The following WDR27 variants were observed in gnomAD, a reference collection of about 807,000 sequenced individuals.
WDR27 encodes the protein WD repeat-containing protein 27.
A neutral mutation model predicts 114.4 loss-of-function variants in WDR27; 100 were observed. The ratio of observed to expected loss-of-function variants is 0.87; its 90% CI spans 0.74 to 1.03. The LOEUF is 1.03. Ranked by LOEUF, WDR27 falls within the 50% of genes least tolerant of loss-of-function variation. The pLI is 0.00. For synonymous variants in WDR27, 449 were observed against 423.1 expected, an observed-to-expected ratio of 1.06 and a Z score of -0.75; for missense variants, 1,129 against 1,092.9, an observed-to-expected ratio of 1.03 and a Z score of -0.47.
intron 16 of WDR27, among the ~76,000 whole-genome samples, chr6:169,644,308 C>T (rs1819947670): frequency 6.6e-6 from 1 of 151,624 alleles, no homozygotes; most frequent in African/African-American, 2.4e-5. Flanking sequence ...ACAGGAGTCA[C>T]ACTGTAGAAA....
the WDR27 span, among the ~76,000 whole-genome samples, chr6:169,444,327 T>C: frequency 3.9e-5 from 6 of 152,302 alleles, no homozygotes; most frequent in Middle Eastern, 3.4e-3. Context: ...AAAAAGAATG[T>C]GTTTGGCTCT....
At chr6:169,545,728 A>T (rs1297760962) in intron 25 of WDR27, among the ~76,000 whole-genome samples, 2 of 152,180 alleles carry the variant, frequency 1.3e-5, no homozygotes, top group East Asian at 3.8e-4. Context: ...AGAGGATAAA[A>T]AGGTGAAAAG....
At chr6:169,483,289 TAAG>T (rs1329994362) in intron 25 of WDR27, among the ~76,000 whole-genome samples, 2 of 152,006 alleles carry the variant, frequency 1.3e-5, no homozygotes, top group African/African-American at 4.8e-5. Context: ...GCTAGACTAA[TAAG>T]AACAGAGAAG....
At chr6:169,587,674 C>A (rs1804925580) in intron 23 of WDR27, among the ~76,000 whole-genome samples, 2 of 152,180 alleles carry the variant, frequency 1.3e-5, no homozygotes, top group Admixed American at 1.3e-4. Context: ...ATAATGACTT[C>A]ACTTTTTCTT....
chr6:169,427,774 T>C, the WDR27 span, among the ~76,000 whole-genome samples: 5 of 151,354 alleles, frequency 3.3e-5, no homozygotes, highest in South Asian at 1.0e-3. Flanking sequence ...CTGTCTTATT[T>C]TGCTTCTTTG....
chr6:169,462,492 G>A (rs1177689931), intron 25 of WDR27, among the ~76,000 whole-genome samples: 3 of 150,708 alleles, frequency 2.0e-5, no homozygotes, highest in African/African-American at 4.9e-5. Flanking sequence ...GAGAGAGAGA[G>A]AAAGAAAGAA....
chr6:169,514,593 TAATA>T (rs1793384409), intron 25 of WDR27, among the ~76,000 whole-genome samples: 1 of 147,958 alleles, frequency 6.8e-6, no homozygotes, highest in Non-Finnish European at 1.5e-5. Flanking sequence ...TCTAGGTCAA[TAATA>T]AACATTAATT....
At chr6:169,438,943 C>G in the WDR27 span, among the ~76,000 whole-genome samples, 11 of 152,216 alleles carry the variant, frequency 7.2e-5, no homozygotes, top group Admixed American at 2.0e-4. Flanking sequence ...TTAATAATCA[C>G]TCTGATTAAA....
At chr6:169,566,890 G>A (rs1800590747) in intron 25 of WDR27, among the ~76,000 whole-genome samples, 1 of 152,180 alleles carries the variant, frequency 6.6e-6, no homozygotes, top group Admixed American at 6.5e-5. Context: ...CACTGAAACT[G>A]GGAACTCAAC....
chr6:169,689,215 T>C, intron 1 of WDR27: 1 of 413,920 alleles, frequency 2.4e-6, no homozygotes, highest in East Asian at 3.9e-5. Flanking sequence ...GCTCCATTCT[T>C]CTCACGGGCT....
At position 169,668,089 on chromosome 6, in the gene WDR27, C is replaced by T. The variant is rs761925405; in HGVS notation, c.553G>A (p.Ala185Thr). 4.7e-5 allele frequency: 76 copies of T among 1,614,060 alleles called. No individual in the cohort carries two copies. Among genetic ancestry groups the T allele is most frequent in the Non-Finnish European group, 6.4e-5 (76 of 1,179,900 alleles). ...TFLHTFSQTQ[A>T]VRAELQGHLG... The stretch of plus-strand genomic sequence containing the variant: ...TGGCCCTGCAGCTCGGCCCGAACAG[C>T]CTGAGTCTGAGAGAATGTGTGCAGG... The change falls in exon 5 of 26, where the codon GCT becomes ACT. Residue 185 changes from alanine to threonine, a missense_variant. By Grantham distance (58) the Ala-to-Thr change is moderately conservative. Transcript: ENST00000448612.
At chr6:169,698,463 G>C (rs752381429) in intron 1 of WDR27, among the ~76,000 whole-genome samples, 2 of 152,162 alleles carry the variant, frequency 1.3e-5, no homozygotes, top group Non-Finnish European at 2.9e-5. Flanking sequence ...GTCCAGGGCA[G>C]CTAACTGAAG....
chr6:169,660,740 A>C lies in WDR27; in HGVS notation c.1052T>G (p.Val351Gly). The C allele has an allele frequency of 6.2e-7, 1 of 1,613,844 alleles. No individual in the cohort carries two copies. The highest frequency in any genetic ancestry group is 8.5e-7 in the Non-Finnish European group (1 of 1,179,830). The change falls in exon 10 of 26, where the codon GTG becomes GGG. Residue 351 changes from valine to glycine, a missense_variant. Transcript: ENST00000448612. ...GCLSSENTRC[V>G]WIGSSVGLFV... Reference sequence around the variant, plus strand: ...TAAGCCCACTGAGCTTCCGATCCACACACATCGGGTGTTCTCAGAAGAAAG... The same window carrying C: ...TAAGCCCACTGAGCTTCCGATCCACCCACATCGGGTGTTCTCAGAAGAAAG...
At chr6:169,524,527 A>G (rs1562531237) in intron 25 of WDR27, among the ~76,000 whole-genome samples, 1 of 152,194 alleles carries the variant, frequency 6.6e-6, no homozygotes, top group Non-Finnish European at 1.5e-5. Context: ...CCTGACTTCA[A>G]AATATCCTCC....
At chr6:169,454,594 G>C (rs987226240), downstream of WDR27, among the ~76,000 whole-genome samples, 3 of 152,116 alleles carry the variant, frequency 2.0e-5, no homozygotes, top group South Asian at 6.2e-4. Flanking sequence ...TGTCAAAAAC[G>C]AACAGATATT....
intron 2 of WDR27, among the ~76,000 whole-genome samples, chr6:169,683,521 C>T (rs1043225621): frequency 9.2e-5 from 14 of 151,644 alleles, no homozygotes; most frequent in Admixed American, 2.6e-4. Context: ...CACTTGAGCC[C>T]CTCCAAAAGA....
chr6:169,614,402 A>C (rs1258223155), intron 21 of WDR27, among the ~76,000 whole-genome samples: 1 of 152,146 alleles, frequency 6.6e-6, no homozygotes, highest in African/African-American at 2.4e-5. Flanking sequence ...ATAATAATTC[A>C]AGGCCAGGTA....
At position 169,473,846 on chromosome 6, in the gene WDR27, G is replaced by A. The variant is rs116179394; in HGVS notation, c.2646-16212C>T. On this transcript the variant is annotated intron_variant, in intron 25 of 25. Coordinates refer to ENST00000448612, the MANE Select transcript of WDR27 (RefSeq NM_182552.5). ...TCCACATGGGCAGAGAAAACAAAAT[G>A]AGCAAGCAAAACAAACAGCAACAAA... Among the ~76,000 whole-genome samples, 684 of 152,296 alleles carry A rather than the reference G, an allele frequency of 4.5e-3. 7 individuals carry two copies. The highest frequency in any genetic ancestry group is 0.016 in the African/African-American group (651 of 41,566).
At chr6:169,438,517 G>A in the WDR27 span, among the ~76,000 whole-genome samples, 8 of 152,146 alleles carry the variant, frequency 5.3e-5, no homozygotes, top group South Asian at 2.1e-4. Flanking sequence ...GATTACAGGC[G>A]TGAGCCACCG....
Sources: gnomAD v4.1 joint callset for allele counts (sites outside exome capture counted in the v4.1 genomes callset) on GRCh38, gnomAD v4.1.1 for gene constraint, MANE v1.5 for transcripts, NCBI Gene and HGNC (gene_info 2026-07-23, HGNC 2026-07-21) for gene names.